The following VSIG10L variants were observed in gnomAD, a reference collection of about 807,000 sequenced individuals.
The protein encoded by VSIG10L is V-set and immunoglobulin domain-containing protein 10-like.
In VSIG10L, 63 loss-of-function variants were observed where a neutral mutation model predicts 67.3. That is an observed-to-expected ratio of 0.94 (90% CI 0.76 to 1.15). VSIG10L has a LOEUF of 1.15. Ranked by LOEUF, VSIG10L falls within the 50% of genes most tolerant of loss-of-function variation. VSIG10L has a pLI of 0.00. For missense variants in VSIG10L, 1,050 were observed against 1,177.5 expected (o/e 0.89, Z 1.58); for synonymous variants, 499 against 524.9 (o/e 0.95, Z 0.67).
rs1339442431 is a variant in VSIG10L, at chr19:51,341,992, A to T, written c.56T>A (p.Ile19Asn). ...LFLLLASLVGILTLRASSGLQ... is the reference protein window; with the variant it reads ...LFLLLASLVGNLTLRASSGLQ... The stretch of plus-strand genomic sequence containing the variant: ...TCCAGAAGAGGCTCTGAGGGTGAGG[A>T]TCCCTACCAAGGAGGCTGCAGAGAA... The change falls in exon 2 of 10, where the codon ATC becomes AAC. Residue 19 changes from isoleucine (I) to asparagine (N), a missense_variant. By Grantham distance (149) the Ile-to-Asn change is moderately radical (BLOSUM62 -3). Transcript: ENST00000335624. 28 of 1,551,560 alleles carry T rather than the reference A, an allele frequency of 1.8e-5. No homozygotes were observed. Among genetic ancestry groups the T allele is most frequent in the Non-Finnish European group, 2.2e-5 (25 of 1,146,954 alleles).
chr19:51,339,946 C>A (rs956394267), intron 4 of VSIG10L, 69 bp downstream of exon 4: 2 of 1,247,336 alleles, frequency 1.6e-6, no homozygotes, highest in African/African-American at 3.2e-5. Context: ...CCCCTTTCCT[C>A]TAGCCCCGCC....
intron 7 of VSIG10L, 22 bp downstream of exon 7, chr19:51,337,216 T>C: frequency 1.4e-5 from 22 of 1,532,244 alleles, no homozygotes; most frequent in Non-Finnish European, 1.9e-5. Flanking sequence ...AGAGAAGGTC[T>C]ACTCTGACAG....
Position 51,340,397 on chromosome 19 carries a change from A to G in VSIG10L, c.1189+36T>C. On this transcript the variant is annotated intron_variant, in intron 3 of 9. Coordinates refer to ENST00000335624, the MANE Select transcript of VSIG10L (RefSeq NM_001163922.3). The surrounding 1 kb of genome is among the most constrained non-coding windows in gnomAD (Gnocchi z 6.3). ...GTCCCCAGCCCGCTTCTCCCCAAGG[A>G]CCCCCTGTCCCCGACCCGAGGCATC... 6.8e-7 allele frequency: 1 copy of G among 1,462,050 alleles called. No individual in the cohort carries two copies. Among genetic ancestry groups the G allele is most frequent in the East Asian group, 2.6e-5 (1 of 38,726 alleles). 90.6% of individuals were successfully genotyped at this position (1,462,050 alleles called of 1,614,324 possible).
At position 51,341,281 on chromosome 19, in the gene VSIG10L, C is replaced by G. The variant is rs910168321; in HGVS notation, c.767G>C (p.Arg256Pro). The change falls in exon 2 of 10, where the codon CGA (arginine) becomes CCA (proline). Residue 256 changes from arginine (R) to proline (P), a missense_variant. Arg to Pro is a moderately radical substitution (Grantham distance 103, BLOSUM62 -2). Around this residue, in one of 3 missense-constraint regions of VSIG10L, gnomAD observed 511 missense variants for 557.9 expected, o/e 0.92. Coordinates refer to ENST00000335624, the MANE Select transcript of VSIG10L (RefSeq NM_001163922.3). ...SLDPAHRDHL[R>P]FDQARGVLEL... is the part of the protein sequence containing the mutation. ...CAGAACCCCCCGGGCCTGGTCAAATCGCAGGTGGTCTCGGTGAGCAGGGTC... is the reference window on the plus strand; with the variant it reads ...CAGAACCCCCCGGGCCTGGTCAAATGGCAGGTGGTCTCGGTGAGCAGGGTC... The G allele has an allele frequency of 9.7e-6, 15 of 1,548,848 alleles. No homozygotes were observed. In the African/African-American group the frequency reaches 1.8e-4, roughly 18 times the overall value.
Position 51,332,263 on chromosome 19 carries a change from T to C in VSIG10L, c.*348A>G. The C allele has an allele frequency of 2.5e-6, 1 of 393,896 alleles. No homozygotes were observed. The highest frequency in any genetic ancestry group is 2.2e-5 in the South Asian group (1 of 45,898). 24.4% of individuals were successfully genotyped at this position (393,896 alleles called of 1,614,324 possible). A position where few individuals can be genotyped will look rare whatever the true frequency, so the allele number is the denominator to read the frequency against. On this transcript the variant is annotated 3_prime_UTR_variant, in exon 10 of 10. Coordinates refer to ENST00000335624, the MANE Select transcript of VSIG10L (RefSeq NM_001163922.3). Reference sequence around the variant, plus strand: ...GTGGCAAAGTGAATGTAAGGGGACCTTTTCAGAGAACATGGCCAAGCTCCC... The same window carrying C: ...GTGGCAAAGTGAATGTAAGGGGACCCTTTCAGAGAACATGGCCAAGCTCCC...
At chr19:51,336,763 ATTT>A (rs942291893) in intron 7 of VSIG10L, among the ~76,000 whole-genome samples, 1 of 97,062 alleles carries the variant, frequency 1.0e-5, no homozygotes. Context: ...CGACACCTTG[ATTT>A]TTTTTTTTTT....
In VSIG10L at chr19:51,341,294, G is replaced by C. The variant is rs781052441; in HGVS notation, c.754C>G (p.Arg252Gly). ...APLISLDPAH[R>G]DHLRFDQARG... ...GCCTGGTCAAATCGCAGGTGGTCTC[G>C]GTGAGCAGGGTCCAGGCTGATCAGA... Residue 252 changes from arginine (R) to glycine (G), a missense_variant, in exon 2 of 10, where the codon CGA becomes GGA. Coordinates refer to ENST00000335624, the MANE Select transcript of VSIG10L (RefSeq NM_001163922.3). 9.7e-6 allele frequency: 15 copies of C among 1,546,428 alleles called. No individual in the cohort carries two copies. The East Asian group carries it at 2.2e-4, about 23-fold the overall frequency.
chr19:51,334,315 C>T lies in VSIG10L; in HGVS notation c.2306-11G>A. The T allele has an allele frequency of 1.3e-6, 2 of 1,549,252 alleles. No individual in the cohort carries two copies. Among genetic ancestry groups the T allele is most frequent in the South Asian group, 1.2e-5 (1 of 83,882 alleles). Reference sequence around the variant, plus strand: ...GGCTCAACGTGGGGCCTGGAAGAGACAAAGAGAAGAAAGAGAAGGGGAACA... The same window carrying T: ...GGCTCAACGTGGGGCCTGGAAGAGATAAAGAGAAGAAAGAGAAGGGGAACA... On this transcript the variant is annotated splice_polypyrimidine_tract_variant and intron_variant, in intron 7 of 9. Transcript: ENST00000335624.
chr19:51,337,253 G>C lies in VSIG10L; in HGVS notation c.2290C>G (p.Arg764Gly). The change falls in exon 7 of 10, where the codon CGG becomes GGG. Residue 764 changes from arginine (R) to glycine (G), a missense_variant. Arg to Gly is a moderately radical substitution (Grantham distance 125, BLOSUM62 -2). This residue lies in a region of VSIG10L where 529 missense variants were observed against 584.9 expected (regional missense o/e 0.90). Coordinates refer to ENST00000335624, the MANE Select transcript of VSIG10L (RefSeq NM_001163922.3). Reference sequence around the variant, plus strand: ...CCCAACTCACCGGCCCGGTAGACCCGGCTTTGTGATGGAGTCCCTGGCTGG... The same window carrying C: ...CCCAACTCACCGGCCCGGTAGACCCCGCTTTGTGATGGAGTCCCTGGCTGG... ...GGQPGTPSQS[R>G]VYRAGPTLSH... is the part of the protein sequence containing the mutation. 6.5e-7 allele frequency: 1 copy of C among 1,548,544 alleles called. No individual in the cohort carries two copies. The highest frequency in any genetic ancestry group is 8.7e-7 in the Non-Finnish European group (1 of 1,145,026).
At chr19:51,336,727 G>A (rs1480732482) in intron 7 of VSIG10L, among the ~76,000 whole-genome samples, 1 of 151,742 alleles carries the variant, frequency 6.6e-6, no homozygotes, top group Admixed American at 6.6e-5. Context: ...ATTCTACACA[G>A]GGTCTCAGAG....
rs537454506 is a variant in VSIG10L at position 51,339,157 on chromosome 19, G to A, written c.1475-15C>T. The A allele has an allele frequency of 7.8e-7, 1 of 1,281,722 alleles. No individual in the cohort carries two copies. The highest frequency in any genetic ancestry group is 1.5e-5 in the African/African-American group (1 of 64,650). 79.4% of individuals were successfully genotyped at this position (1,281,722 alleles called of 1,614,324 possible). On this transcript the variant is annotated splice_polypyrimidine_tract_variant and intron_variant, in intron 4 of 9. Coordinates refer to ENST00000335624, the MANE Select transcript of VSIG10L (RefSeq NM_001163922.3). ...GGGGGGCAGGTCTGCGGAGAGAAGG[G>A]AGAGAATGAAGATGGAGTCCCTTTC... is the stretch of plus-strand genomic sequence containing the variant.
In VSIG10L at chr19:51,332,528, C is replaced by T; in HGVS notation, c.*83G>A. On this transcript the variant is annotated 3_prime_UTR_variant, in exon 10 of 10. Coordinates refer to ENST00000335624, the MANE Select transcript of VSIG10L (RefSeq NM_001163922.3). ...TGCTGCTGGAGTGAAATAGGAAGTT[C>T]TGGCCCAAAACGCCCTGTGCAGGGC... 6.7e-7 allele frequency: 1 copy of T among 1,499,526 alleles called. No homozygotes were observed. The highest frequency in any genetic ancestry group is 2.5e-5 in the East Asian group (1 of 40,654). The allele number at this position is 1,499,526 out of a possible 1,614,324, so 92.9% of individuals were successfully genotyped here. A position where few individuals can be genotyped will look rare whatever the true frequency, so the allele number is the denominator to read the frequency against.
intron 4 of VSIG10L, chr19:51,339,721 C>G (rs1209365718): frequency 2.0e-5 from 6 of 296,486 alleles, no homozygotes; most frequent in African/African-American, 4.4e-5. Flanking sequence ...TGTCCGCCCT[C>G]TCAGTGCTGG....
In VSIG10L at chr19:51,333,778, C is replaced by G. The variant is rs181224075; in HGVS notation, c.2574+13G>C. 2,622 of 1,529,866 alleles carry G rather than the reference C, an allele frequency of 1.7e-3. 4 individuals carry two copies. Among genetic ancestry groups the G allele is most frequent in the Non-Finnish European group, 2.1e-3 (2,363 of 1,137,934 alleles). The allele number at this position is 1,529,866 out of a possible 1,614,324, so 94.8% of individuals were successfully genotyped here. A position where few individuals can be genotyped will look rare whatever the true frequency, so the allele number is the denominator to read the frequency against. ...CCCCGATTCCAGGAGGAAATGAGGG[C>G]ACCCACACTCACTTGGTAGGCCCTA... is the stretch of plus-strand genomic sequence containing the variant. On this transcript the variant is annotated intron_variant, in intron 9 of 9. Coordinates refer to ENST00000335624, the MANE Select transcript of VSIG10L (RefSeq NM_001163922.3).
chr19:51,337,794 G>A (rs886598380), intron 6 of VSIG10L, 136 bp downstream of exon 6: 11 of 1,194,584 alleles, frequency 9.2e-6, no homozygotes, highest in African/African-American at 1.5e-5. Flanking sequence ...TGGACTCCAG[G>A]GTCTGAGGGA....
rs1270512671 is a variant in VSIG10L, at chr19:51,341,217, G to A, written c.831C>T (p.Tyr277=). ...CCCCTGCCCGGATGACCTCAGCCGTGTAGACCCCTGCATCGTCCAGCTGGG... is the reference window on the plus strand; with the variant it reads ...CCCCTGCCCGGATGACCTCAGCCGTATAGACCCCTGCATCGTCCAGCTGGG... ...ASAQLDDAGV[Y]TAEVIRAGVS... is the part of the protein sequence containing the mutation. Residue 277 remains tyrosine, a synonymous_variant, in exon 2 of 10, where the codon TAC becomes TAT. Transcript: ENST00000335624. The A allele has an allele frequency of 3.9e-6, 6 of 1,550,708 alleles. No individual in the cohort carries two copies. Among genetic ancestry groups the A allele is most frequent in the African/African-American group, 1.4e-5 (1 of 73,072 alleles).
chr19:51,338,657 G>T (rs1169206951), intron 5 of VSIG10L, among the ~76,000 whole-genome samples: 1 of 152,050 alleles, frequency 6.6e-6, no homozygotes, highest in Non-Finnish European at 1.5e-5. Flanking sequence ...CTCTGAACAC[G>T]TGTGAAAGTG....
At chr19:51,336,947 T>C (rs955230895) in intron 7 of VSIG10L, among the ~76,000 whole-genome samples, 3 of 151,882 alleles carry the variant, frequency 2.0e-5, no homozygotes, top group Admixed American at 6.6e-5. Context: ...TTTGTATTTT[T>C]AGTAGAGACG....
rs936571655 is a variant in VSIG10L, at chr19:51,340,187, C to T, written c.1302G>A (p.Pro434=). The T allele has an allele frequency of 1.2e-5, 18 of 1,441,902 alleles. No individual in the cohort carries two copies. Among genetic ancestry groups the T allele is most frequent in the African/African-American group, 4.4e-5 (3 of 67,876 alleles). 89.3% of individuals were successfully genotyped at this position (1,441,902 alleles called of 1,614,324 possible). The part of the protein sequence containing the change: ...VTLRCAAASR[P]PADITWSLAD... ...CCAGGCTCCACGTGATGTCGGCGGG[C>T]GGCCGCGAGGCGGCGGCGCAGCGCA... The change falls in exon 4 of 10, where the codon CCG becomes CCA. Residue 434 remains proline, a synonymous_variant. Transcript: ENST00000335624. This position sits in a 1 kb window ranked among gnomAD's most constrained non-coding sequence, Gnocchi z 6.3.
Sources: gnomAD v4.1 joint callset for allele counts (sites outside exome capture counted in the v4.1 genomes callset) on GRCh38, gnomAD v4.1.1 for gene constraint, gnomAD v4.1.1 regional missense constraint, Gnocchi (gnomAD v3.1) non-coding constraint, MANE v1.5 for transcripts, NCBI Gene and HGNC (gene_info 2026-07-23, HGNC 2026-07-21) for gene names.